The following GPR158 variants were observed in gnomAD, a reference collection of about 807,000 sequenced individuals.
GPR158 encodes G protein-coupled receptor 158.
A neutral mutation model predicts 78.2 loss-of-function variants in GPR158; 30 were observed. The observed-to-expected ratio is 0.38, with a 90% CI of 0.29 to 0.52. The LOEUF (loss-of-function observed/expected upper bound fraction) is 0.52, where lower values mean the gene tolerates loss of function less well. Among genes scored for constraint, GPR158 ranks in the 20% least tolerant of loss-of-function variants. GPR158 has a pLI of 0.83. For synonymous variants in GPR158, 581 were observed against 591.1 expected (o/e 0.98, Z 0.25); for missense variants, 1,463 against 1,523.5 (o/e 0.96, Z 0.66).
intron 4 of GPR158, among the ~76,000 whole-genome samples, chr10:25,455,719 A>ATGT (rs1168563852): frequency 1.3e-5 from 2 of 152,186 alleles, no homozygotes; most frequent in African/African-American, 2.4e-5. Flanking sequence ...ATGAGACTCT[A>ATGT]AAATATCAAG....
chr10:25,561,891 A>G (rs995852231), intron 6 of GPR158, among the ~76,000 whole-genome samples: 3 of 152,206 alleles, frequency 2.0e-5, no homozygotes, highest in African/African-American at 4.8e-5. Context: ...TACCGCAGGT[A>G]AGAAATTAGT....
At chr10:25,274,384 A>G (rs1275165082) in intron 2 of GPR158, among the ~76,000 whole-genome samples, 3 of 152,346 alleles carry the variant, frequency 2.0e-5, no homozygotes, top group African/African-American at 7.2e-5. Flanking sequence ...GAAATAATAT[A>G]AAAAGAACAT....
chr10:25,334,076 G>T (rs189714731), intron 2 of GPR158, among the ~76,000 whole-genome samples: 343 of 152,060 alleles, frequency 2.3e-3, no homozygotes, highest in Non-Finnish European at 4.3e-3. Flanking sequence ...TTATAAAAAC[G>T]CTGAAAGGAG....
At chr10:25,321,702 A>C (rs1250802493) in intron 2 of GPR158, among the ~76,000 whole-genome samples, 2 of 152,170 alleles carry the variant, frequency 1.3e-5, no homozygotes, top group Non-Finnish European at 2.9e-5. Flanking sequence ...AGGCAAAGAG[A>C]TGCTTATATA....
chr10:25,207,770 T>C (rs1306274233), intron 1 of GPR158, among the ~76,000 whole-genome samples: 1 of 152,152 alleles, frequency 6.6e-6, no homozygotes, highest in Non-Finnish European at 1.5e-5. Context: ...CTTTATATGA[T>C]TCTACTTAAA....
intron 2 of GPR158, among the ~76,000 whole-genome samples, chr10:25,330,237 GAT>G (rs1434201978): frequency 6.6e-6 from 1 of 152,054 alleles, no homozygotes; most frequent in African/African-American, 2.4e-5. Context: ...TTCTAGCTAA[GAT>G]ATCCTTTTAT....
At chr10:25,435,750 T>G (rs575258634) in intron 4 of GPR158, among the ~76,000 whole-genome samples, 12 of 152,298 alleles carry the variant, frequency 7.9e-5, no homozygotes, top group Admixed American at 7.8e-4. Flanking sequence ...TTAAACCAAC[T>G]TTTCTAGCTG....
chr10:25,191,693 G>T (rs1346678429), intron 1 of GPR158, among the ~76,000 whole-genome samples: 5 of 152,122 alleles, frequency 3.3e-5, no homozygotes, highest in Non-Finnish European at 7.3e-5. Context: ...AAAAAATTTG[G>T]TTACAGGCCA....
intron 7 of GPR158, among the ~76,000 whole-genome samples, chr10:25,584,012 A>T (rs1837236267): frequency 6.6e-6 from 1 of 152,216 alleles, no homozygotes; most frequent in African/African-American, 2.4e-5. Flanking sequence ...CCGTTTGAAA[A>T]AATAACTTGA....
At chr10:25,238,832 G>A (rs1853565502) in intron 2 of GPR158, among the ~76,000 whole-genome samples, 1 of 152,136 alleles carries the variant, frequency 6.6e-6, no homozygotes, top group African/African-American at 2.4e-5. Flanking sequence ...AGGACCCTAT[G>A]ATTAGAATAT....
intron 4 of GPR158, among the ~76,000 whole-genome samples, chr10:25,415,458 C>T (rs894807342): frequency 4.6e-5 from 7 of 151,900 alleles, no homozygotes; most frequent in African/African-American, 9.7e-5. Flanking sequence ...CAACTCAAAC[C>T]GACAGTACCC....
intron 2 of GPR158, among the ~76,000 whole-genome samples, chr10:25,257,879 A>G (rs1303181179): frequency 6.6e-6 from 1 of 152,126 alleles, no homozygotes; most frequent in South Asian, 2.1e-4. Context: ...TCTTCTGTCC[A>G]TGCGGGTTAG....
chr10:25,352,081 C>T (rs1180902560), intron 2 of GPR158, among the ~76,000 whole-genome samples: 1 of 152,028 alleles, frequency 6.6e-6, no homozygotes, highest in African/African-American at 2.4e-5. Context: ...GCATCAGAAA[C>T]CCCTGCAACC....
Position 25,175,787 on chromosome 10 carries a change from C to A in GPR158, c.367C>A (p.His123Asn). ...CCTGGCCAGCGCGCACCCCTCCTTG[C>A]ACCGGGCGCTGGACACACTGACACA... ...PALASAHPSL[H>N]RALDTLTHAT... Residue 123 changes from histidine to asparagine, a missense_variant, in exon 1 of 11, where the codon CAC (histidine) becomes AAC (asparagine). His to Asn is a moderately conservative substitution (Grantham distance 68). Coordinates refer to ENST00000376351, the MANE Select transcript of GPR158 (RefSeq NM_020752.3). This position sits in a 1 kb window ranked among gnomAD's most constrained non-coding sequence, Gnocchi z 6.4. 2 of 1,611,524 alleles carry A rather than the reference C, an allele frequency of 1.2e-6. No homozygotes were observed. Among genetic ancestry groups the A allele is most frequent in the South Asian group, 2.2e-5 (2 of 91,086 alleles).
chr10:25,369,241 G>A (rs1170009085), intron 2 of GPR158, among the ~76,000 whole-genome samples: 256 of 150,082 alleles, frequency 1.7e-3, no homozygotes, highest in Non-Finnish European at 2.6e-3. Context: ...TCCCTGTCTT[G>A]TGCCAGTTTT....
chr10:25,513,593 C>G (rs534407405), intron 5 of GPR158, among the ~76,000 whole-genome samples: 1 of 150,826 alleles, frequency 6.6e-6, no homozygotes, highest in Admixed American at 6.6e-5. Context: ...TTCTTCAGTT[C>G]TGTGAGGTGT....
At chr10:25,424,560 A>G (rs955099279) in intron 4 of GPR158, among the ~76,000 whole-genome samples, 2 of 151,402 alleles carry the variant, frequency 1.3e-5, no homozygotes, top group African/African-American at 4.9e-5. Context: ...TAATTTTTGT[A>G]TAAGGTGTAA....
chr10:25,241,326 C>CTTCTCTTCTCTTCTCTTCTG, intron 2 of GPR158, among the ~76,000 whole-genome samples: 1 of 123,698 alleles, frequency 8.1e-6, no homozygotes, highest in East Asian at 2.3e-4. Context: ...CTTCTCTTCT[C>CTTCTCTTCTCTTCTCTTCTG]TTCTCTTCTC....
At chr10:25,526,103 TAAAAAAAA>T (rs4017850) in intron 5 of GPR158, among the ~76,000 whole-genome samples, 49 of 69,200 alleles carry the variant, frequency 7.1e-4, no homozygotes, top group African/African-American at 2.0e-3. Context: ...CAATTTTGTC[TAAAAAAAA>T]AAAAAAAAAA....
Sources: gnomAD v4.1 joint callset for allele counts (sites outside exome capture counted in the v4.1 genomes callset) on GRCh38, gnomAD v4.1.1 for gene constraint, Gnocchi (gnomAD v3.1) non-coding constraint, MANE v1.5 for transcripts, NCBI Gene and HGNC (gene_info 2026-07-23, HGNC 2026-07-21) for gene names.